Variants in SLIT2 observed in about 807,000 individuals in gnomAD.
SLIT2 encodes slit homolog 2 protein.
A neutral mutation model predicts 185.7 loss-of-function variants in SLIT2; 41 were observed. The ratio of observed to expected loss-of-function variants is 0.22; its 90% CI spans 0.17 to 0.29. The LOEUF (loss-of-function observed/expected upper bound fraction) is 0.29, where lower values mean the gene tolerates loss of function less well. Ranked by LOEUF, SLIT2 falls within the 10% of genes least tolerant of loss-of-function variation. The probability of loss-of-function intolerance (pLI) is 1.00; values close to 1 mark genes in which losing one functional copy is unlikely to be tolerated. For synonymous variants in SLIT2, 693 were observed against 680.2 expected (o/e 1.02, Z -0.29); for missense variants, 1,571 against 1,909.0 (o/e 0.82, Z 3.30).
intron 4 of SLIT2, among the ~76,000 whole-genome samples, chr4:20,307,552 G>C (rs1269434496): frequency 6.6e-6 from 1 of 152,068 alleles, no homozygotes; most frequent in South Asian, 2.1e-4. Context: ...GAGCCACTGG[G>C]TTCAGCCAGT....
At chr4:20,472,246 C>CTCTATATATCTA (rs1715142176) in intron 5 of SLIT2, among the ~76,000 whole-genome samples, 1 of 39,666 alleles carries the variant, frequency 2.5e-5, no homozygotes, top group African/African-American at 9.7e-5. Context: ...ATCTATATAT[C>CTCTATATATCTA]TATATATAGA....
chr4:20,322,894 G>A (rs1719225504), intron 4 of SLIT2, among the ~76,000 whole-genome samples: 1 of 152,074 alleles, frequency 6.6e-6, no homozygotes, highest in Non-Finnish European at 1.5e-5. Context: ...CTAACCACCA[G>A]CTCTTAGGGA....
chr4:20,617,157 C>T lies in SLIT2; in HGVS notation c.4095C>T (p.Pro1365=). 2 of 1,604,806 alleles carry T rather than the reference C, an allele frequency of 1.2e-6. No individual in the cohort carries two copies. ...TCECQEGWMG[P]LCDQRTNDPC... ...AGTGCCAGGAAGGATGGATGGGGCC[C>T]CTCTGTGACCAACGGACCAATGACC... Residue 1365 remains proline (P), a synonymous_variant, in exon 35 of 37, where the codon CCC becomes CCT. Coordinates refer to ENST00000504154, the MANE Select transcript of SLIT2 (RefSeq NM_004787.4).
chr4:20,527,309 A>G (rs1385241021), intron 15 of SLIT2, among the ~76,000 whole-genome samples: 1 of 150,794 alleles, frequency 6.6e-6, no homozygotes, highest in African/African-American at 2.4e-5. Flanking sequence ...TTTTTTGGAG[A>G]TGGAGTCTCG....
chr4:20,489,744 A>C (rs572615526), intron 8 of SLIT2, among the ~76,000 whole-genome samples: 116 of 152,156 alleles, frequency 7.6e-4, no homozygotes, highest in African/African-American at 2.7e-3. Flanking sequence ...AGATCACACC[A>C]GTGCACTCCA....
chr4:20,477,734 C>A (rs1392001702), intron 5 of SLIT2, among the ~76,000 whole-genome samples: 1 of 152,160 alleles, frequency 6.6e-6, no homozygotes, highest in Non-Finnish European at 1.5e-5. Flanking sequence ...CCTTAGCATC[C>A]AACTGTCTTT....
rs114619321 is a variant in SLIT2 at position 20,297,848 on chromosome 4, T to C, written c.395+28967T>C. Among the ~76,000 whole-genome samples the C allele has an allele frequency of 7.2e-3, 1,098 of 152,284 alleles. 21 individuals carry two copies. Among genetic ancestry groups the C allele is most frequent in the Middle Eastern group, 0.027 (8 of 294 alleles). On this transcript the variant is annotated intron_variant, in intron 4 of 36. Coordinates refer to ENST00000504154, the MANE Select transcript of SLIT2 (RefSeq NM_004787.4). ...TGTAACGGATACCCTGTCTTCATAA[T>C]GTATCTCATAAAAGTTTTAATACCA...
At chr4:20,618,663 C>A in intron 36 of SLIT2, 105 bp from the exon 37 acceptor site, 1 of 1,208,784 alleles carries the variant, frequency 8.3e-7, no homozygotes, top group Non-Finnish European at 1.2e-6. Flanking sequence ...AAGCAAGTTA[C>A]AAAGGGGAAG....
intron 4 of SLIT2, among the ~76,000 whole-genome samples, chr4:20,373,414 A>C (rs1313092461): frequency 6.6e-6 from 1 of 152,086 alleles, no homozygotes; most frequent in Non-Finnish European, 1.5e-5. Flanking sequence ...TTTTAAAGAG[A>C]TAAAAGTGCT....
At chr4:20,437,914 C>CAAAAAAAAA (rs1224604666) in intron 4 of SLIT2, among the ~76,000 whole-genome samples, 1 of 65,614 alleles carries the variant, frequency 1.5e-5, no homozygotes, top group Non-Finnish European at 2.8e-5. Context: ...GACTCCGTCT[C>CAAAAAAAAA]AAAAAAAAAA....
intron 4 of SLIT2, among the ~76,000 whole-genome samples, chr4:20,460,020 T>G (rs1333463339): frequency 6.6e-6 from 1 of 151,954 alleles, no homozygotes; most frequent in African/African-American, 2.4e-5. Flanking sequence ...CTTGCCACCA[T>G]GACCGGCTAA....
intron 2 of SLIT2, among the ~76,000 whole-genome samples, 172 bp downstream of exon 2, chr4:20,256,915 G>C (rs1711910103): frequency 6.6e-6 from 1 of 151,864 alleles, no homozygotes. Context: ...TAAAAATTGG[G>C]GCTTTTATTT....
intron 4 of SLIT2, among the ~76,000 whole-genome samples, chr4:20,411,906 G>C (rs893216759): frequency 6.6e-6 from 1 of 152,152 alleles, no homozygotes; most frequent in South Asian, 2.1e-4. Context: ...GAGGACAGCC[G>C]CATAAGAGGA....
At chr4:20,319,807 A>T (rs1387288380) in intron 4 of SLIT2, among the ~76,000 whole-genome samples, 4 of 101,458 alleles carry the variant, frequency 3.9e-5, no homozygotes, top group South Asian at 8.3e-4. Context: ...ACTAAAAAAC[A>T]AAACAAAAAA....
intron 28 of SLIT2, among the ~76,000 whole-genome samples, chr4:20,568,115 A>C (rs766721571): frequency 2.6e-5 from 4 of 152,106 alleles, no homozygotes; most frequent in Non-Finnish European, 5.9e-5. Context: ...CATATGGTAC[A>C]ATTACTTCAG....
chr4:20,616,728 A>G (rs894852360), intron 34 of SLIT2, 182 bp from the exon 35 acceptor site: 8 of 569,726 alleles, frequency 1.4e-5, no homozygotes, highest in Admixed American at 6.7e-5. Context: ...GCATCTTCCA[A>G]TACAGAACAA....
chr4:20,603,373 A>C (rs1405452047), intron 33 of SLIT2, among the ~76,000 whole-genome samples: 1 of 152,214 alleles, frequency 6.6e-6, no homozygotes, highest in Non-Finnish European at 1.5e-5. Context: ...AAACCATATC[A>C]GTAATAGTGC....
At chr4:20,465,484 A>C (rs758137074) in intron 4 of SLIT2, among the ~76,000 whole-genome samples, 1 of 152,184 alleles carries the variant, frequency 6.6e-6, no homozygotes, top group Non-Finnish European at 1.5e-5. Context: ...GGGATCCACA[A>C]TTAATCCTTG....
rs766444200 is a variant in SLIT2, at chr4:20,354,902, T to TGA, written c.395+86022_395+86023insAG. The stretch of plus-strand genomic sequence containing the variant: ...GCAAGTCTGCGTGTGTGTGTGTGTG[T>TGA]GTGTGAGAGAGAGAGAGAGAGAGAG... On this transcript the variant is annotated intron_variant, in intron 4 of 36. Transcript: ENST00000504154. Among the ~76,000 whole-genome samples, 434 of 106,464 alleles carry TGA rather than the reference T, an allele frequency of 4.1e-3. 1 individual carries two copies. Among genetic ancestry groups the TGA allele is most frequent in the African/African-American group, 6.8e-3 (223 of 32,588 alleles). The allele number at this position is 106,464 out of a possible 152,430, so 69.8% of individuals were successfully genotyped here.
Sources: gnomAD v4.1 joint callset for allele counts (sites outside exome capture counted in the v4.1 genomes callset) on GRCh38, gnomAD v4.1.1 for gene constraint, MANE v1.5 for transcripts, NCBI Gene and HGNC (gene_info 2026-07-23, HGNC 2026-07-21) for gene names.